CDH18: variants seen among roughly 807,000 people sequenced by gnomAD.
CDH18 encodes the protein cadherin 18.
CDH18 carries 31 observed loss-of-function variants against 67.9 expected under a neutral mutation model. The observed-to-expected ratio is 0.46, with a 90% CI of 0.34 to 0.62. The LOEUF (loss-of-function observed/expected upper bound fraction) is 0.62, where lower values mean the gene tolerates loss of function less well. CDH18 is among the 20% of genes least tolerant of loss of function. The pLI, the probability that CDH18 is intolerant of heterozygous loss-of-function variation, is 0.01. For missense variants in CDH18, 890 were observed against 975.5 expected (o/e 0.91, Z 1.17); for synonymous variants, 362 against 347.2 (o/e 1.04, Z -0.48).
At chr5:20,064,835 T>G (rs1379632205) in intron 2 of CDH18, among the ~76,000 whole-genome samples, 1 of 152,084 alleles carries the variant, frequency 6.6e-6, no homozygotes, top group African/African-American at 2.4e-5. Flanking sequence ...GATAATGCCC[T>G]TGAAAATATG....
chr5:20,250,661 G>A (rs1446755527), intron 2 of CDH18, among the ~76,000 whole-genome samples: 3 of 134,386 alleles, frequency 2.2e-5, no homozygotes, highest in Non-Finnish European at 4.6e-5. Context: ...GGAGTGCAGT[G>A]GTGCCATCTT....
chr5:20,025,449 TG>T (rs1291403410), intron 2 of CDH18, among the ~76,000 whole-genome samples: 1 of 152,212 alleles, frequency 6.6e-6, no homozygotes, highest in Non-Finnish European at 1.5e-5. Context: ...ATAATTCTAC[TG>T]TTTTTTTATA....
intron 9 of CDH18, among the ~76,000 whole-genome samples, chr5:19,524,791 G>C (rs1747478662): frequency 6.6e-6 from 1 of 152,058 alleles, no homozygotes; most frequent in African/African-American, 2.4e-5. Context: ...TGTCGCCCAG[G>C]CTGGAGTGCA....
chr5:20,045,985 C>A (rs981192617), intron 2 of CDH18, among the ~76,000 whole-genome samples: 1 of 151,984 alleles, frequency 6.6e-6, no homozygotes, highest in South Asian at 2.1e-4. Flanking sequence ...TGAACTAAGA[C>A]AACAGGAAGG....
At chr5:20,493,999 T>G (rs992450986) in intron 1 of CDH18, among the ~76,000 whole-genome samples, 11 of 150,244 alleles carry the variant, frequency 7.3e-5, no homozygotes, top group Non-Finnish European at 1.6e-4. Flanking sequence ...ATCCCAGCAC[T>G]TTGGGAGATC....
chr5:20,322,392 G>T (rs1738118318), intron 1 of CDH18, among the ~76,000 whole-genome samples: 1 of 152,050 alleles, frequency 6.6e-6, no homozygotes, highest in Non-Finnish European at 1.5e-5. Context: ...ACATGTCATT[G>T]TATATAATTT....
chr5:20,494,328 A>C (rs553066107), intron 1 of CDH18, among the ~76,000 whole-genome samples: 1 of 152,150 alleles, frequency 6.6e-6, no homozygotes, highest in Non-Finnish European at 1.5e-5. Context: ...GCAGAGAGGG[A>C]TAAGAGAAGA....
chr5:19,695,909 C>G (rs1359049787), intron 5 of CDH18, among the ~76,000 whole-genome samples: 2 of 152,072 alleles, frequency 1.3e-5, no homozygotes, highest in East Asian at 3.9e-4. Flanking sequence ...TGGTACTGCT[C>G]TATTATCAAA....
At chr5:19,579,698 T>A (rs1233665958) in intron 7 of CDH18, among the ~76,000 whole-genome samples, 3 of 151,754 alleles carry the variant, frequency 2.0e-5, no homozygotes, top group South Asian at 2.1e-4. Flanking sequence ...ACTAATAAAT[T>A]TTTTTTAAAC....
At chr5:19,719,451 A>G (rs2150568790) in intron 5 of CDH18, among the ~76,000 whole-genome samples, 1 of 152,136 alleles carries the variant, frequency 6.6e-6, no homozygotes, top group South Asian at 2.1e-4. Flanking sequence ...TATTTGAAGC[A>G]AATATTATTA....
intron 1 of CDH18, among the ~76,000 whole-genome samples, chr5:20,569,488 G>A (rs999851488): frequency 3.3e-5 from 5 of 152,068 alleles, no homozygotes; most frequent in East Asian, 1.9e-4. Flanking sequence ...CAGGCGTGGT[G>A]TCATCCCAGC....
At chr5:19,660,266 CTT>C (rs1178867502) in intron 5 of CDH18, among the ~76,000 whole-genome samples, 5 of 151,894 alleles carry the variant, frequency 3.3e-5, no homozygotes, top group Admixed American at 1.3e-4. Flanking sequence ...ACGTTCAACT[CTT>C]TCAGTTTCTA....
At chr5:20,082,190 TA>T (rs1404545048) in intron 2 of CDH18, among the ~76,000 whole-genome samples, 1 of 152,156 alleles carries the variant, frequency 6.6e-6, no homozygotes, top group Non-Finnish European at 1.5e-5. Context: ...CGCTTTTTCC[TA>T]TTGTCAAATC....
intron 5 of CDH18, among the ~76,000 whole-genome samples, chr5:19,664,636 T>C (rs1386021471): frequency 1.3e-5 from 2 of 151,880 alleles, no homozygotes; most frequent in South Asian, 2.1e-4. Context: ...TTCAAATGAG[T>C]CTCCCCTATA....
intron 4 of CDH18, among the ~76,000 whole-genome samples, chr5:19,741,255 A>G (rs1769133146): frequency 2.7e-5 from 2 of 75,302 alleles, no homozygotes; most frequent in South Asian, 7.0e-4. Context: ...GTATGTATAT[A>G]TGTATACATA....
At position 19,988,152 on chromosome 5, in the gene CDH18, C is replaced by G. The variant is rs953230340; in HGVS notation, c.-442G>C. 1 of 152,186 alleles carries G rather than the reference C, an allele frequency of 6.6e-6. No individual in the cohort carries two copies. Among genetic ancestry groups the G allele is most frequent in the Non-Finnish European group, 1.5e-5 (1 of 68,084 alleles). 9.4% of individuals were successfully genotyped at this position (152,186 alleles called of 1,614,324 possible). Reference sequence around the variant, plus strand: ...ATAAGAAGCAAAGAGAGGGGACTTTCCCAGAGCTCTGGGCACAGCTGCTCG... The same window carrying G: ...ATAAGAAGCAAAGAGAGGGGACTTTGCCAGAGCTCTGGGCACAGCTGCTCG... On this transcript the variant is annotated 5_prime_UTR_variant, in exon 1 of 13. Transcript: ENST00000382275.
intron 2 of CDH18, among the ~76,000 whole-genome samples, chr5:20,082,664 A>G (rs77888801): frequency 0.013 from 2,030 of 152,294 alleles, 55 homozygotes; most frequent in African/African-American, 0.046. Context: ...TCCTTTGGAA[A>G]TGGGGTATTT....
chr5:19,826,257 G>T (rs574633758), intron 3 of CDH18, among the ~76,000 whole-genome samples: 3 of 152,204 alleles, frequency 2.0e-5, no homozygotes, highest in African/African-American at 7.2e-5. Flanking sequence ...ATGACTCAGT[G>T]GCTCGCTGAA....
intron 1 of CDH18, among the ~76,000 whole-genome samples, chr5:20,366,478 T>C (rs1221472946): frequency 6.6e-6 from 1 of 152,206 alleles, no homozygotes. Flanking sequence ...TAATTTATTT[T>C]CCACAACATG....
Sources: allele counts gnomAD v4.1 joint callset (sites outside exome capture counted in the v4.1 genomes callset), GRCh38; gene constraint gnomAD v4.1.1; transcripts MANE v1.5; gene names NCBI Gene and HGNC (gene_info 2026-07-23, HGNC 2026-07-21).